The following STK33 variants were observed in gnomAD, a reference collection of about 807,000 sequenced individuals.
The protein encoded by STK33 is serine/threonine kinase 33, also known as serine/threonine-protein kinase 33.
Under a neutral mutation model 58.0 loss-of-function variants are expected in STK33, and 52 were observed. The observed-to-expected ratio is 0.90, with a 90% CI of 0.72 to 1.13. STK33 has a LOEUF of 1.13. STK33 is among the 50% of genes most tolerant of loss of function. The pLI is 0.00. For missense variants in STK33, 630 were observed against 604.2 expected (o/e 1.04, Z -0.45); for synonymous variants, 215 against 200.1 (o/e 1.07, Z -0.63).
intron 1 of STK33, among the ~76,000 whole-genome samples, chr11:8,587,418 C>G (rs2031859750): frequency 6.6e-6 from 1 of 152,024 alleles, no homozygotes; most frequent in African/African-American, 2.4e-5. Context: ...AATTTGAACC[C>G]AGGTGAGCCT....
In STK33 at chr11:8,457,419, T is replaced by C; in HGVS notation, c.619A>G (p.Lys207Glu). ...GTCTCATTCTCTGAGAAATGCCCTT[T>C]CCTATCCAGAATTTCTTTGAGTTCT... ...DGELKEILDR[K>E]GHFSENETRW... The change falls in exon 9 of 16, where the codon AAA becomes GAA. Residue 207 changes from lysine (K) to glutamate (E), a missense_variant. Transcript: ENST00000687296. 1 of 1,608,178 alleles carries C rather than the reference T, an allele frequency of 6.2e-7. No individual in the cohort carries two copies. Among genetic ancestry groups the C allele is most frequent in the Non-Finnish European group, 8.5e-7 (1 of 1,175,994 alleles).
intron 1 of STK33, among the ~76,000 whole-genome samples, chr11:8,492,569 C>A (rs527982037): frequency 1.1e-3 from 173 of 152,274 alleles, no homozygotes; most frequent in Middle Eastern, 3.4e-3. Flanking sequence ...ATATCCAGGA[C>A]TTGAACTCAG....
intron 15 of STK33, among the ~76,000 whole-genome samples, chr11:8,402,047 A>G (rs925597342): frequency 1.1e-4 from 16 of 152,338 alleles, no homozygotes; most frequent in South Asian, 2.1e-4. Flanking sequence ...CCATTGTGGA[A>G]GTCAGTGTGG....
intron 1 of STK33, among the ~76,000 whole-genome samples, chr11:8,515,217 A>C (rs1952669431): frequency 6.6e-6 from 1 of 152,180 alleles, no homozygotes; most frequent in Non-Finnish European, 1.5e-5. Context: ...AAAATCAGAA[A>C]TGAAAGAAGA....
chr11:8,388,203 C>A (rs2134826161), downstream of STK33, among the ~76,000 whole-genome samples: 1 of 152,278 alleles, frequency 6.6e-6, no homozygotes, highest in Non-Finnish European at 1.5e-5. Context: ...CATGGTGACA[C>A]TGCAAAAGTC....
chr11:8,530,175 A>G (rs950217039), intron 1 of STK33, among the ~76,000 whole-genome samples: 3 of 152,236 alleles, frequency 2.0e-5, no homozygotes, highest in Non-Finnish European at 4.4e-5. Context: ...AGTGCAAAAT[A>G]AGTAATAAAA....
At chr11:8,355,075 G>A in the STK33 span, among the ~76,000 whole-genome samples, 20 of 152,260 alleles carry the variant, frequency 1.3e-4, no homozygotes, top group Non-Finnish European at 2.5e-4. Flanking sequence ...TGCTAATTGC[G>A]GCTTCTGAGG....
intron 11 of STK33, 76 bp downstream of exon 11, chr11:8,452,746 C>G (rs1305358929): frequency 7.6e-7 from 1 of 1,315,104 alleles, no homozygotes; most frequent in Non-Finnish European, 1.1e-6. Flanking sequence ...CAAGATCATG[C>G]CACTGCACTC....
intron 15 of STK33, among the ~76,000 whole-genome samples, chr11:8,397,062 C>G (rs974866169): frequency 7.9e-5 from 12 of 152,168 alleles, no homozygotes; most frequent in African/African-American, 2.9e-4. Context: ...CAAAAGGCAG[C>G]AGAATCCTCT....
the STK33 span, among the ~76,000 whole-genome samples, chr11:8,354,474 TCACACACACACACACACA>T: frequency 9.6e-5 from 12 of 124,676 alleles, no homozygotes; most frequent in Non-Finnish European, 1.3e-4. Context: ...CTGCAAAACC[TCACACACACACACACACA>T]CACACACACA....
chr11:8,347,357 A>G, the STK33 span, among the ~76,000 whole-genome samples: 1 of 152,184 alleles, frequency 6.6e-6, no homozygotes, highest in Non-Finnish European at 1.5e-5. Context: ...GCCTCTGGTC[A>G]TGAAGTCTGC....
downstream of STK33, among the ~76,000 whole-genome samples, chr11:8,388,281 T>C (rs573003548): frequency 6.6e-6 from 1 of 152,174 alleles, no homozygotes; most frequent in Non-Finnish European, 1.5e-5. Flanking sequence ...ACCCAGATTA[T>C]TCAGGGAAAT....
intron 14 of STK33, among the ~76,000 whole-genome samples, chr11:8,434,540 G>A (rs534771071): frequency 4.7e-4 from 71 of 152,224 alleles, no homozygotes; most frequent in Non-Finnish European, 8.1e-4. Flanking sequence ...ACACTATATC[G>A]TAAAGATGAC....
the STK33 span, among the ~76,000 whole-genome samples, chr11:8,385,898 C>T: frequency 2.6e-5 from 4 of 152,080 alleles, no homozygotes; most frequent in South Asian, 4.2e-4. Context: ...CCTCAGCCTC[C>T]CGAGTAGCTG....
At chr11:8,358,052 T>C in the STK33 span, among the ~76,000 whole-genome samples, 1 of 152,200 alleles carries the variant, frequency 6.6e-6, no homozygotes, top group South Asian at 2.1e-4. Flanking sequence ...CCTCTTTTCC[T>C]AGCTTGAGCT....
chr11:8,350,933 G>C, the STK33 span, among the ~76,000 whole-genome samples: 1 of 152,150 alleles, frequency 6.6e-6, no homozygotes. Context: ...GGTTGGGATA[G>C]AAGAGGGCCC....
chr11:8,443,656 T>C (rs146429274), intron 11 of STK33, among the ~76,000 whole-genome samples: 2,073 of 149,292 alleles, frequency 0.014, 23 homozygotes, highest in Middle Eastern at 0.025. Flanking sequence ...ATGCATTTCA[T>C]AGAAAATAAG....
intron 1 of STK33, among the ~76,000 whole-genome samples, chr11:8,553,164 TAA>T (rs1180890233): frequency 2.8e-4 from 12 of 42,110 alleles, no homozygotes; most frequent in African/African-American, 6.4e-4. Context: ...TCTCCAAAAA[TAA>T]AATATATATA....
chr11:8,410,162 A>C (rs2135551246), intron 15 of STK33, among the ~76,000 whole-genome samples: 1 of 152,300 alleles, frequency 6.6e-6, no homozygotes, highest in South Asian at 2.1e-4. Context: ...TTTTTATCCC[A>C]CTCACTAAAA....
Sources: gnomAD v4.1 joint callset for allele counts (sites outside exome capture counted in the v4.1 genomes callset) on GRCh38, gnomAD v4.1.1 for gene constraint, MANE v1.5 for transcripts, NCBI Gene and HGNC (gene_info 2026-07-23, HGNC 2026-07-21) for gene names.